The following FLI1 variants were observed in gnomAD, a reference collection of about 807,000 sequenced individuals.
FLI1 encodes the protein Fli-1 proto-oncogene, ETS transcription factor, also known as Friend leukemia integration 1 transcription factor.
Under a neutral mutation model 53.1 loss-of-function variants are expected in FLI1, and 13 were observed. The observed-to-expected ratio is 0.24, with a 90% confidence interval of 0.16 to 0.39. The LOEUF (loss-of-function observed/expected upper bound fraction) is 0.39, where lower values mean the gene tolerates loss of function less well. Ranked by LOEUF, FLI1 falls within the 10% of genes least tolerant of loss-of-function variation. The pLI is 1.00. For synonymous variants in FLI1, 244 were observed against 236.7 expected (o/e 1.03, Z -0.28); for missense variants, 424 against 600.5 (o/e 0.71, Z 3.07).
At chr11:128,763,397 TCAG>T (rs1168748867) in intron 2 of FLI1, among the ~76,000 whole-genome samples, 2 of 152,230 alleles carry the variant, frequency 1.3e-5, no homozygotes, top group Non-Finnish European at 2.9e-5. Flanking sequence ...CATGTAGACT[TCAG>T]CAACTTGATC....
intron 5 of FLI1, among the ~76,000 whole-genome samples, chr11:128,792,490 T>C (rs774927546): frequency 6.6e-6 from 1 of 152,166 alleles, no homozygotes; most frequent in African/African-American, 2.4e-5. Flanking sequence ...AGCTGCAAAG[T>C]ATATAAAAGA....
At chr11:128,784,753 T>TA (rs1942034587) in intron 5 of FLI1, among the ~76,000 whole-genome samples, 1 of 152,230 alleles carries the variant, frequency 6.6e-6, no homozygotes, top group South Asian at 2.1e-4. Context: ...CTCTAATCAC[T>TA]ATCTATTAGC....
At chr11:128,744,514 T>G (rs2135781860) in intron 1 of FLI1, among the ~76,000 whole-genome samples, 1 of 152,362 alleles carries the variant, frequency 6.6e-6, no homozygotes, top group African/African-American at 2.4e-5. Flanking sequence ...AAAAGGAAAC[T>G]GAGGCATGGA....
chr11:128,734,367 T>C (rs1471137902), intron 1 of FLI1, among the ~76,000 whole-genome samples: 2 of 152,198 alleles, frequency 1.3e-5, no homozygotes, highest in African/African-American at 4.8e-5. Context: ...GCTATTCTCG[T>C]GCGTGTGCAG....
At chr11:128,704,775 GCTA>G (rs1263395791) in intron 1 of FLI1, among the ~76,000 whole-genome samples, 1 of 152,158 alleles carries the variant, frequency 6.6e-6, no homozygotes, top group Non-Finnish European at 1.5e-5. Context: ...ATGACCCCAA[GCTA>G]AGGCCTTTCT....
chr11:128,744,355 T>G (rs1940281785), intron 1 of FLI1, among the ~76,000 whole-genome samples: 1 of 152,190 alleles, frequency 6.6e-6, no homozygotes, highest in Non-Finnish European at 1.5e-5. Flanking sequence ...CTCAGTCCTT[T>G]TATGTAGTAG....
chr11:128,701,010 A>G (rs1938309111), intron 1 of FLI1, among the ~76,000 whole-genome samples: 1 of 152,232 alleles, frequency 6.6e-6, no homozygotes, highest in Non-Finnish European at 1.5e-5. Flanking sequence ...GGAAATGAAG[A>G]TGGAAGTGGC....
chr11:128,750,554 G>T (rs140806292), intron 1 of FLI1, among the ~76,000 whole-genome samples: 3 of 152,160 alleles, frequency 2.0e-5, no homozygotes, highest in Admixed American at 6.5e-5. Context: ...ATGTCTTCCC[G>T]AGTGAAATGG....
chr11:128,745,181 G>A (rs968268620), intron 1 of FLI1, among the ~76,000 whole-genome samples: 3 of 152,132 alleles, frequency 2.0e-5, no homozygotes, highest in African/African-American at 7.2e-5. Flanking sequence ...ATTTGAAATA[G>A]GACCTTAAAA....
intron 5 of FLI1, among the ~76,000 whole-genome samples, chr11:128,783,016 T>G (rs1244419537): frequency 6.6e-6 from 1 of 152,102 alleles, no homozygotes; most frequent in Non-Finnish European, 1.5e-5. Flanking sequence ...ATAGCAAAAA[T>G]TCCACAGAGG....
intron 4 of FLI1, among the ~76,000 whole-genome samples, chr11:128,780,958 A>G (rs1313644605): frequency 6.6e-6 from 1 of 152,238 alleles, no homozygotes; most frequent in Non-Finnish European, 1.5e-5. Context: ...AAAAATGCCT[A>G]AGTTTCACAA....
chr11:128,750,108 C>T (rs145675082), intron 1 of FLI1, among the ~76,000 whole-genome samples: 9 of 152,352 alleles, frequency 5.9e-5, no homozygotes, highest in African/African-American at 9.6e-5. Context: ...CCAAAACTAG[C>T]GTGCTCCCTG....
chr11:128,764,790 A>G (rs1258703696), intron 2 of FLI1: 5 of 1,593,900 alleles, frequency 3.1e-6, no homozygotes, highest in Non-Finnish European at 3.4e-6. Flanking sequence ...AGCTGCAAGA[A>G]TGGAGGGAGG....
chr11:128,811,080 G>A lies in FLI1; in HGVS notation c.*92G>A. Reference sequence around the variant, plus strand: ...AACAGGACATATGTGGCCTTGAAGGGAAGACAAAACTGGATGTTCTTTCTT... The same window carrying A: ...AACAGGACATATGTGGCCTTGAAGGAAAGACAAAACTGGATGTTCTTTCTT... On this transcript the variant is annotated 3_prime_UTR_variant, in exon 9 of 9. Transcript: ENST00000527786. The A allele has an allele frequency of 1.6e-6, 2 of 1,212,506 alleles. No homozygotes were observed. The highest frequency in any genetic ancestry group is 1.2e-6 in the Non-Finnish European group (1 of 837,544). The allele number at this position is 1,212,506 out of a possible 1,614,324, so 75.1% of individuals were successfully genotyped here.
chr11:128,811,972 T>G lies in FLI1; in HGVS notation c.*984T>G. The G allele has an allele frequency of 4.9e-6, 1 of 202,936 alleles. No individual in the cohort carries two copies. The highest frequency in any genetic ancestry group is 1.0e-5 in the Non-Finnish European group (1 of 98,602). The allele number at this position is 202,936 out of a possible 1,614,324, so 12.6% of individuals were successfully genotyped here. On this transcript the variant is annotated 3_prime_UTR_variant, in exon 9 of 9. Transcript: ENST00000527786. ...TCAATCGCTGTTATTTTTTTTAATGTAATTTGTACATCTTTTTTCAATCTG... is the reference window on the plus strand; with the variant it reads ...TCAATCGCTGTTATTTTTTTTAATGGAATTTGTACATCTTTTTTCAATCTG...
intron 1 of FLI1, among the ~76,000 whole-genome samples, chr11:128,753,900 TG>T (rs144320698): frequency 0.076 from 11,523 of 152,254 alleles, 514 homozygotes; most frequent in South Asian, 0.16. Flanking sequence ...GGCATGGTCT[TG>T]GGGTGCTCCT....
At chr11:128,714,942 C>T (rs1306013177) in intron 1 of FLI1, among the ~76,000 whole-genome samples, 3 of 152,010 alleles carry the variant, frequency 2.0e-5, no homozygotes, top group African/African-American at 4.8e-5. Context: ...CTCTTGACCT[C>T]GTCATCCGCC....
At chr11:128,778,518 A>G (rs1941813656) in intron 4 of FLI1, among the ~76,000 whole-genome samples, 3 of 152,128 alleles carry the variant, frequency 2.0e-5, no homozygotes, top group South Asian at 2.1e-4. Flanking sequence ...TGCCTTCTGC[A>G]CTCTCTGGCT....
chr11:128,706,767 T>C lies in FLI1; in HGVS notation c.18+12491T>C, dbSNP rs117214261. Reference sequence around the variant, plus strand: ...TTCTGGGTGATTGAAGAGGGCACTTTCCATAGGAACCACATGGGTAAGTGA... The same window carrying C: ...TTCTGGGTGATTGAAGAGGGCACTTCCCATAGGAACCACATGGGTAAGTGA... On this transcript the variant is annotated intron_variant, in intron 1 of 8. Transcript: ENST00000527786. Among the ~76,000 whole-genome samples the C allele has an allele frequency of 1.2e-3, 181 of 152,338 alleles. 5 individuals are homozygous for C. The East Asian group carries it at 0.029, about 25-fold the overall frequency.
Sources: gnomAD v4.1 joint callset for allele counts (sites outside exome capture counted in the v4.1 genomes callset) on GRCh38, gnomAD v4.1.1 for gene constraint, MANE v1.5 for transcripts, NCBI Gene and HGNC (gene_info 2026-07-23, HGNC 2026-07-21) for gene names.